MARCHF1: variants seen among roughly 807,000 people sequenced by gnomAD.
MARCHF1 encodes E3 ubiquitin-protein ligase MARCHF1.
In MARCHF1, 40 loss-of-function variants were observed where a neutral mutation model predicts 54.2. The ratio of observed to expected loss-of-function variants is 0.74; its 90% confidence interval spans 0.57 to 0.96. The LOEUF (loss-of-function observed/expected upper bound fraction) is 0.96, where lower values mean the gene tolerates loss of function less well. MARCHF1 is among the 40% of genes least tolerant of loss of function. MARCHF1 has a pLI of 0.00. For missense variants in MARCHF1, 586 were observed against 656.5 expected (o/e 0.89, Z 1.17); for synonymous variants, 236 against 236.3 (o/e 1.00, Z 0.01).
intron 1 of MARCHF1, among the ~76,000 whole-genome samples, chr4:164,180,466 T>C (rs768718276): frequency 9.2e-5 from 14 of 152,188 alleles, no homozygotes; most frequent in Non-Finnish European, 1.9e-4. Flanking sequence ...TAAAATTATG[T>C]TTCAGAGTTG....
chr4:164,048,589 A>T (rs536488363), intron 2 of MARCHF1, among the ~76,000 whole-genome samples: 1 of 152,304 alleles, frequency 6.6e-6, no homozygotes, highest in South Asian at 2.1e-4. Context: ...CCACTATTAA[A>T]AAGAAAATGC....
chr4:164,161,545 TCAGCAGCAGCAGCAG>T (rs36007870), intron 1 of MARCHF1, among the ~76,000 whole-genome samples: 12 of 150,894 alleles, frequency 8.0e-5, no homozygotes, highest in South Asian at 4.2e-4. Flanking sequence ...ATCATCATCA[TCAGCAGCAGCAGCAG>T]CAGCAGCAGC....
chr4:163,966,511 C>A (rs1752447141), intron 3 of MARCHF1, among the ~76,000 whole-genome samples: 2 of 151,866 alleles, frequency 1.3e-5, no homozygotes. Context: ...AATGAGAATA[C>A]AATAATAGTA....
At chr4:163,865,385 T>C (rs755495189) in intron 3 of MARCHF1, among the ~76,000 whole-genome samples, 1 of 151,918 alleles carries the variant, frequency 6.6e-6, no homozygotes, top group Admixed American at 6.6e-5. Flanking sequence ...AGAAACTGTA[T>C]TGCCATGTGG....
At chr4:163,911,993 C>A (rs1751199272) in intron 3 of MARCHF1, among the ~76,000 whole-genome samples, 1 of 151,780 alleles carries the variant, frequency 6.6e-6, no homozygotes, top group African/African-American at 2.4e-5. Context: ...AGAGATATTT[C>A]TTCTCTCAGA....
intron 7 of MARCHF1, 69 bp downstream of exon 7, chr4:163,612,202 C>T (rs1741364207): frequency 7.7e-7 from 1 of 1,297,920 alleles, no homozygotes; most frequent in Admixed American, 3.3e-5. Flanking sequence ...AGGTGTCAAA[C>T]ACGCACCTAA....
intron 3 of MARCHF1, among the ~76,000 whole-genome samples, chr4:163,951,929 C>T (rs961469676): frequency 9.2e-5 from 14 of 152,188 alleles, no homozygotes; most frequent in Non-Finnish European, 1.6e-4. Context: ...TAGAGGTCAA[C>T]ATTTTTATAA....
intron 7 of MARCHF1, among the ~76,000 whole-genome samples, chr4:163,594,480 C>T (rs1219586561): frequency 6.6e-6 from 1 of 151,822 alleles, no homozygotes; most frequent in Non-Finnish European, 1.5e-5. Context: ...GTATTTCCCT[C>T]AACCAGTGCC....
At chr4:164,179,871 C>T (rs1579599944) in intron 1 of MARCHF1, among the ~76,000 whole-genome samples, 1 of 150,788 alleles carries the variant, frequency 6.6e-6, no homozygotes, top group East Asian at 1.9e-4. Flanking sequence ...AAATTTTGCT[C>T]AGTCTAAGAA....
intron 2 of MARCHF1, among the ~76,000 whole-genome samples, chr4:164,033,747 G>A (rs1300913439): frequency 6.6e-6 from 1 of 152,104 alleles, no homozygotes; most frequent in South Asian, 2.1e-4. Context: ...CAGTCAGAAC[G>A]GCAATTATTA....
intron 5 of MARCHF1, among the ~76,000 whole-genome samples, chr4:163,684,368 C>T (rs528695732): frequency 6.6e-6 from 1 of 152,128 alleles, no homozygotes; most frequent in Admixed American, 6.5e-5. Context: ...TGGACAGTCT[C>T]AAGAAAAGAA....
At position 163,590,336 on chromosome 4, in the gene MARCHF1, T is replaced by C. The variant is rs1258037493; in HGVS notation, c.1011-4407A>G. Reference sequence around the variant, plus strand: ...ATTAAACTCTTTCACTCAATAGTCATTTCATTCCTGCACAGTTTCTTGGTT... The same window carrying C: ...ATTAAACTCTTTCACTCAATAGTCACTTCATTCCTGCACAGTTTCTTGGTT... On this transcript the variant is annotated intron_variant, in intron 7 of 9. Transcript: ENST00000514618. Among the ~76,000 whole-genome samples, 5 of 152,172 alleles carry C rather than the reference T, an allele frequency of 3.3e-5. No individual in the cohort carries two copies. The East Asian group carries it at 7.7e-4, about 24-fold the overall frequency.
chr4:164,340,432 T>TATATATATATATATATATATATATAG (rs2110841016), intron 1 of MARCHF1, among the ~76,000 whole-genome samples: 1 of 136,354 alleles, frequency 7.3e-6, no homozygotes, highest in Admixed American at 7.6e-5. Context: ...TATATATATA[T>TATATATATATATATATATATATATAG]ATAGTTTGTT....
At chr4:164,226,848 G>A (rs1732269010) in intron 1 of MARCHF1, among the ~76,000 whole-genome samples, 1 of 151,966 alleles carries the variant, frequency 6.6e-6, no homozygotes, top group Non-Finnish European at 1.5e-5. Context: ...GAATGAAAGT[G>A]TAACCAAACA....
chr4:163,642,156 G>A (rs987020906), intron 5 of MARCHF1, among the ~76,000 whole-genome samples: 7 of 152,176 alleles, frequency 4.6e-5, no homozygotes, highest in Non-Finnish European at 5.9e-5. Flanking sequence ...GCTTAAGTAC[G>A]CAGGTGCTCA....
intron 4 of MARCHF1, among the ~76,000 whole-genome samples, chr4:163,752,236 A>G (rs1746541718): frequency 6.6e-6 from 1 of 152,234 alleles, no homozygotes; most frequent in African/African-American, 2.4e-5. Flanking sequence ...TAAAATGTTT[A>G]GAAGGCAACA....
At chr4:164,045,964 G>A (rs987173805) in intron 2 of MARCHF1, among the ~76,000 whole-genome samples, 2 of 152,244 alleles carry the variant, frequency 1.3e-5, no homozygotes, top group East Asian at 1.9e-4. Flanking sequence ...CATGGATGCT[G>A]GCAGAAGACA....
chr4:164,219,785 A>G (rs1185692438), intron 1 of MARCHF1, among the ~76,000 whole-genome samples: 1 of 152,046 alleles, frequency 6.6e-6, no homozygotes, highest in Non-Finnish European at 1.5e-5. Context: ...GGACGAAAAA[A>G]TGATGGGCAA....
At chr4:164,024,822 C>G (rs190123067) in intron 2 of MARCHF1, among the ~76,000 whole-genome samples, 1 of 152,222 alleles carries the variant, frequency 6.6e-6, no homozygotes, top group Admixed American at 6.5e-5. Context: ...ACCCACCCAT[C>G]TGCTGTCTTC....
Sources: allele counts gnomAD v4.1 joint callset (sites outside exome capture counted in the v4.1 genomes callset), GRCh38; gene constraint gnomAD v4.1.1; transcripts MANE v1.5; gene names NCBI Gene and HGNC (gene_info 2026-07-23, HGNC 2026-07-21).